TBX15: variants seen among roughly 807,000 people sequenced by gnomAD.
The protein encoded by TBX15 is T-box transcription factor TBX15.
TBX15 carries 18 observed loss-of-function variants against 53.9 expected under a neutral mutation model. That is an observed-to-expected ratio of 0.33 (90% CI 0.23 to 0.49). The LOEUF (loss-of-function observed/expected upper bound fraction) is 0.49. TBX15 is among the 20% of genes least tolerant of loss of function. The pLI, the probability that TBX15 is intolerant of heterozygous loss-of-function variation, is 0.98. For synonymous variants in TBX15, 295 were observed against 278.0 expected, an observed-to-expected ratio of 1.06 and a Z score of -0.61; for missense variants, 692 against 749.5, an observed-to-expected ratio of 0.92 and a Z score of 0.90.
At chr1:118,907,394 A>C (rs533297243) in intron 6 of TBX15, among the ~76,000 whole-genome samples, 1 of 152,298 alleles carries the variant, frequency 6.6e-6, no homozygotes, top group African/African-American at 2.4e-5. Context: ...ATTTTTATGT[A>C]TGTGTTTGCT....
At chr1:118,892,000 C>A (rs935297929) in intron 7 of TBX15, among the ~76,000 whole-genome samples, 20 of 151,972 alleles carry the variant, frequency 1.3e-4, no homozygotes, top group African/African-American at 4.6e-4. Flanking sequence ...TAAGATAAAG[C>A]TGGAAGAGAG....
chr1:118,967,503 A>T (rs970403535), intron 1 of TBX15, among the ~76,000 whole-genome samples: 2 of 152,202 alleles, frequency 1.3e-5, no homozygotes, highest in African/African-American at 4.8e-5. Flanking sequence ...CCTGACAAAG[A>T]TAGCTATATT....
intron 6 of TBX15, among the ~76,000 whole-genome samples, chr1:118,899,640 G>T (rs1432653418): frequency 6.6e-6 from 1 of 152,150 alleles, no homozygotes; most frequent in Non-Finnish European, 1.5e-5. Context: ...TAGGGCAACA[G>T]AAATAAAAGG....
intron 1 of TBX15, among the ~76,000 whole-genome samples, chr1:118,952,058 C>T (rs1656533242): frequency 6.6e-6 from 1 of 152,174 alleles, no homozygotes; most frequent in South Asian, 2.1e-4. Flanking sequence ...GACAGCAAAA[C>T]CAACCCCTCC....
At chr1:118,978,342 T>C (rs189716979) in intron 1 of TBX15, among the ~76,000 whole-genome samples, 17 of 152,302 alleles carry the variant, frequency 1.1e-4, no homozygotes, top group Admixed American at 9.2e-4. Context: ...GGTCAAGTGA[T>C]GACCAAAGTA....
intron 1 of TBX15, among the ~76,000 whole-genome samples, chr1:118,979,414 C>T (rs1657563823): frequency 6.6e-6 from 1 of 151,762 alleles, no homozygotes; most frequent in South Asian, 2.1e-4. Context: ...TATATACTGA[C>T]CCTAGATTTA....
intron 1 of TBX15, among the ~76,000 whole-genome samples, chr1:118,956,459 AT>A (rs1656693531): frequency 6.6e-6 from 1 of 152,222 alleles, no homozygotes; most frequent in African/African-American, 2.4e-5. Flanking sequence ...GGAGCAAAAT[AT>A]AAACAATTTG....
intron 7 of TBX15, among the ~76,000 whole-genome samples, chr1:118,892,684 T>C (rs1476007486): frequency 3.9e-5 from 6 of 152,160 alleles, no homozygotes; most frequent in African/African-American, 1.4e-4. Context: ...TCCTACTGGG[T>C]TTATTTCTTT....
intron 1 of TBX15, among the ~76,000 whole-genome samples, chr1:118,961,338 A>G (rs1159782244): frequency 6.6e-6 from 1 of 152,166 alleles, no homozygotes; most frequent in Non-Finnish European, 1.5e-5. Flanking sequence ...TGAATCAACT[A>G]TTGCTATGAT....
At chr1:118,887,540 T>C (rs1292096420) in intron 7 of TBX15, among the ~76,000 whole-genome samples, 1 of 151,370 alleles carries the variant, frequency 6.6e-6, no homozygotes, top group Non-Finnish European at 1.5e-5. Flanking sequence ...CTGAGTGTGG[T>C]GGTGGGCGCC....
Position 118,890,821 on chromosome 1 carries a change from C to G in TBX15, c.1025-5305G>C, listed in dbSNP as rs898355794. ...CCCCCAAAATTGAAAAACAGTAAGG[C>G]AAAACCCCATCTAGGCTAGTAAAGA... On this transcript the variant is annotated intron_variant, in intron 7 of 7. Coordinates refer to ENST00000369429, the MANE Select transcript of TBX15 (RefSeq NM_001330677.2). 1.8e-5 allele frequency: 22 copies of G among 1,224,928 alleles called. No homozygotes were observed. In the East Asian group the frequency reaches 9.3e-4, roughly 52 times the overall value. 75.9% of individuals were successfully genotyped at this position (1,224,928 alleles called of 1,614,324 possible). A position where few individuals can be genotyped will look rare whatever the true frequency, so the allele number is the denominator to read the frequency against.
chr1:118,921,875 A>C (rs780235895), intron 5 of TBX15, among the ~76,000 whole-genome samples: 9 of 152,238 alleles, frequency 5.9e-5, no homozygotes, highest in Non-Finnish European at 1.3e-4. Context: ...TTCTCATTCT[A>C]GAATGTTATG....
intron 1 of TBX15, among the ~76,000 whole-genome samples, chr1:118,983,002 C>T (rs909439424): frequency 6.6e-6 from 1 of 152,164 alleles, no homozygotes; most frequent in Admixed American, 6.5e-5. Flanking sequence ...CTAGGAAAGC[C>T]TTCGCTGCCC....
At chr1:118,988,765 T>G (rs990815972), upstream of TBX15, among the ~76,000 whole-genome samples, 5 of 152,226 alleles carry the variant, frequency 3.3e-5, no homozygotes, top group Non-Finnish European at 5.9e-5. Context: ...AGCCCCTAGG[T>G]GCTTTAGAAT....
intron 1 of TBX15, among the ~76,000 whole-genome samples, chr1:118,964,691 G>C (rs141128068): frequency 1.4e-3 from 214 of 152,334 alleles, no homozygotes; most frequent in African/African-American, 4.7e-3. Flanking sequence ...CAGGCATCTT[G>C]TAAAAACAAC....
rs373381658 is a variant in TBX15, at chr1:118,885,085, C to G, written c.1456G>C (p.Ala486Pro). 1 of 1,614,194 alleles carries G rather than the reference C, an allele frequency of 6.2e-7. No individual in the cohort carries two copies. The highest frequency in any genetic ancestry group is 1.1e-5 in the South Asian group (1 of 91,088). Reference sequence around the variant, plus strand: ...TGTGGTGATGAGGAGCTGGAGGCAGCATTGCCTGCCTGCATGACATACTGA... The same window carrying G: ...TGTGGTGATGAGGAGCTGGAGGCAGGATTGCCTGCCTGCATGACATACTGA... ...QFQYVMQAGN[A>P]ASSSSSPHMF... The change falls in exon 8 of 8, where the codon GCT (alanine) becomes CCT (proline). Residue 486 changes from alanine to proline, a missense_variant. This residue lies in a region of TBX15 where 375 missense variants were observed against 371.6 expected (regional missense o/e 1.01). Transcript: ENST00000369429.
Position 118,987,832 on chromosome 1 carries a change from C to T in TBX15, c.-37G>A, listed in dbSNP as rs1209596386. ...ACACCCCTGCCTCCGCTTGCCCCCG[C>T]TACCGAGGGAGCAGCCGGCGCCCTC... is the stretch of plus-strand genomic sequence containing the variant. On this transcript the variant is annotated 5_prime_UTR_variant, in exon 1 of 8. Transcript: ENST00000369429. 1 of 1,544,840 alleles carries T rather than the reference C, an allele frequency of 6.5e-7. No homozygotes were observed. The highest frequency in any genetic ancestry group is 1.2e-5 in the South Asian group (1 of 83,934).
chr1:118,962,050 A>C (rs12568580), intron 1 of TBX15, among the ~76,000 whole-genome samples: 9,888 of 152,284 alleles, frequency 0.065, 465 homozygotes, highest in East Asian at 0.21. Flanking sequence ...CATTTATATC[A>C]TGAGGATATG....
rs552403559 is a variant in TBX15 at position 118,953,162 on chromosome 1, G to A, written c.206-21330C>T. ...GTGACTAAATTAATTAAGGCCACTG[G>A]TATTTTTTCACACTAGTGATTTCTT... On this transcript the variant is annotated intron_variant, in intron 1 of 7. Coordinates refer to ENST00000369429, the MANE Select transcript of TBX15 (RefSeq NM_001330677.2). Among the ~76,000 whole-genome samples the A allele has an allele frequency of 2.0e-5, 3 of 151,918 alleles. No individual in the cohort carries two copies. The East Asian group carries it at 5.8e-4, about 29-fold the overall frequency.
Sources: gnomAD v4.1 joint callset for allele counts (sites outside exome capture counted in the v4.1 genomes callset) on GRCh38, gnomAD v4.1.1 for gene constraint, gnomAD v4.1.1 regional missense constraint, MANE v1.5 for transcripts, NCBI Gene and HGNC (gene_info 2026-07-23, HGNC 2026-07-21) for gene names.